Variants in POLR1A observed in about 807,000 individuals in gnomAD.
POLR1A encodes DNA-directed RNA polymerase I subunit RPA1.
POLR1A carries 84 observed loss-of-function variants against 205.3 expected under a neutral mutation model. The observed-to-expected ratio is 0.41, with a 90% CI of 0.34 to 0.49. POLR1A has a LOEUF of 0.49. Among genes scored for constraint, POLR1A ranks in the 20% least tolerant of loss-of-function variants. The pLI, the probability that POLR1A is intolerant of heterozygous loss-of-function variation, is 0.22. For missense variants in POLR1A, 1,645 were observed against 2,204.5 expected, an observed-to-expected ratio of 0.75 and a Z score of 5.08; for synonymous variants, 799 against 863.7, an observed-to-expected ratio of 0.93 and a Z score of 1.31.
chr2:86,069,221 C>A (rs970933317), intron 13 of POLR1A, among the ~76,000 whole-genome samples: 1 of 152,244 alleles, frequency 6.6e-6, no homozygotes, highest in African/African-American at 2.4e-5. Context: ...TACTCCACCA[C>A]AATCCAAATG....
chr2:86,094,035 T>C (rs764057059), intron 3 of POLR1A, among the ~76,000 whole-genome samples: 2 of 152,192 alleles, frequency 1.3e-5, no homozygotes, highest in Non-Finnish European at 2.9e-5. Flanking sequence ...AACACATCTT[T>C]GGCAGGAATA....
chr2:86,039,205 C>A, intron 26 of POLR1A, 122 bp downstream of exon 26: 1 of 1,092,354 alleles, frequency 9.2e-7, no homozygotes, highest in Non-Finnish European at 1.3e-6. Flanking sequence ...GACAGCTTAT[C>A]TCTCATTGGT....
chr2:86,084,092 C>T (rs775966503), intron 6 of POLR1A, among the ~76,000 whole-genome samples: 1 of 152,160 alleles, frequency 6.6e-6, no homozygotes, highest in African/African-American at 2.4e-5. Context: ...ACAGGGAAAC[C>T]GTGTCCCTAT....
chr2:86,032,254 C>G lies in POLR1A; in HGVS notation c.4272+18G>C, dbSNP rs766479062. 1.3e-6 allele frequency: 2 copies of G among 1,533,722 alleles called. No homozygotes were observed. Among genetic ancestry groups the G allele is most frequent in the Non-Finnish European group, 1.8e-6 (2 of 1,106,600 alleles). On this transcript the variant is annotated intron_variant, in intron 29 of 33. Coordinates refer to ENST00000263857, the MANE Select transcript of POLR1A (RefSeq NM_015425.6). ...GGGCTGGGACCACAGCTCCTTCACCCCACACAGGGTCTCTCACCTCCTCCT... is the reference window on the plus strand; with the variant it reads ...GGGCTGGGACCACAGCTCCTTCACCGCACACAGGGTCTCTCACCTCCTCCT...
intron 14 of POLR1A, among the ~76,000 whole-genome samples, chr2:86,061,633 T>C (rs545491887): frequency 4.6e-5 from 7 of 152,320 alleles, no homozygotes; most frequent in South Asian, 2.1e-4. Flanking sequence ...AACTCAAATG[T>C]GTATCAATAG....
At chr2:86,027,800 A>C in intron 33 of POLR1A, 85 bp downstream of exon 33, 1 of 1,469,064 alleles carries the variant, frequency 6.8e-7, no homozygotes, top group Non-Finnish European at 9.5e-7. Flanking sequence ...GTGTGCAAGG[A>C]ACCATGGAAA....
chr2:86,058,236 G>A (rs541885979), intron 14 of POLR1A, among the ~76,000 whole-genome samples: 18 of 152,262 alleles, frequency 1.2e-4, no homozygotes, highest in African/African-American at 4.3e-4. Context: ...GAGTAGCTGG[G>A]ATTACAGGCA....
intron 24 of POLR1A, 38 bp downstream of exon 24, chr2:86,041,851 T>G: frequency 6.4e-6 from 10 of 1,555,506 alleles, no homozygotes; most frequent in Non-Finnish European, 8.9e-6. Flanking sequence ...GGAGGCAGAT[T>G]CTCCTGCACA....
At position 86,028,182 on chromosome 2, in the gene POLR1A, C is replaced by T; in HGVS notation, c.4898-133G>A. Reference sequence around the variant, plus strand: ...CTCTGGGGCTCCCCTTCAGCTCCGCCACCTGCTCACGCTACTTAACCCTTC... The same window carrying T: ...CTCTGGGGCTCCCCTTCAGCTCCGCTACCTGCTCACGCTACTTAACCCTTC... On this transcript the variant is annotated intron_variant, in intron 32 of 33. Coordinates refer to ENST00000263857, the MANE Select transcript of POLR1A (RefSeq NM_015425.6). This position sits in a 1 kb window ranked among gnomAD's most constrained non-coding sequence, Gnocchi z 4.5. The T allele has an allele frequency of 1.2e-6, 1 of 805,598 alleles. No individual in the cohort carries two copies. Among genetic ancestry groups the T allele is most frequent in the Non-Finnish European group, 2.1e-6 (1 of 475,934 alleles). The allele number at this position is 805,598 out of a possible 1,614,324, so 49.9% of individuals were successfully genotyped here.
At chr2:86,039,289 C>T in intron 26 of POLR1A, 38 bp downstream of exon 26, 7 of 1,610,394 alleles carry the variant, frequency 4.3e-6, no homozygotes, top group East Asian at 2.2e-5. Flanking sequence ...AGGAACATGC[C>T]TTCACCCCGT....
At chr2:86,074,556 A>G (rs1055484750) in intron 12 of POLR1A, among the ~76,000 whole-genome samples, 5 of 152,202 alleles carry the variant, frequency 3.3e-5, no homozygotes, top group Admixed American at 2.6e-4. Flanking sequence ...GAGCCTCAGG[A>G]TTCCCTACCA....
intron 33 of POLR1A, 29 bp from the exon 34 acceptor site, chr2:86,027,552 G>C: frequency 6.3e-7 from 1 of 1,575,880 alleles, no homozygotes; most frequent in South Asian, 1.1e-5. Flanking sequence ...CATGTGTCAG[G>C]GTGTTGAGGT....
At chr2:86,089,703 G>C (rs1328059477) in intron 4 of POLR1A, 119 bp downstream of exon 4, 1 of 678,446 alleles carries the variant, frequency 1.5e-6, no homozygotes, top group Non-Finnish European at 2.7e-6. Flanking sequence ...AAGAGACAGA[G>C]CTCAGATGCA....
intron 14 of POLR1A, among the ~76,000 whole-genome samples, chr2:86,058,602 T>C (rs1425516781): frequency 6.6e-6 from 1 of 150,946 alleles, no homozygotes; most frequent in East Asian, 1.9e-4. Flanking sequence ...ACTAACATTC[T>C]AGAAATGTAT....
intron 9 of POLR1A, among the ~76,000 whole-genome samples, chr2:86,079,868 C>A (rs1322526928): frequency 1.3e-5 from 2 of 152,096 alleles, no homozygotes; most frequent in East Asian, 3.9e-4. Context: ...GGCCAGGCTG[C>A]CCGATTTTTA....
Position 86,028,565 on chromosome 2 carries a change from T to C in POLR1A, c.4897+29A>G, listed in dbSNP as rs766347826. On this transcript the variant is annotated intron_variant, in intron 32 of 33. Transcript: ENST00000263857. The surrounding 1 kb of genome is among the most constrained non-coding windows in gnomAD (Gnocchi z 4.5). Reference sequence around the variant, plus strand: ...TGGTGTCCTGGCTGGTGCCCAGACCTCGGGGTGTTATCTGCAAGCTCCCCT... The same window carrying C: ...TGGTGTCCTGGCTGGTGCCCAGACCCCGGGGTGTTATCTGCAAGCTCCCCT... The C allele has an allele frequency of 6.5e-6, 10 of 1,536,526 alleles. No individual in the cohort carries two copies. The Admixed American group carries it at 1.7e-4, about 26-fold the overall frequency.
At chr2:86,064,456 C>T (rs186302865) in intron 14 of POLR1A, among the ~76,000 whole-genome samples, 2 of 152,238 alleles carry the variant, frequency 1.3e-5, no homozygotes, top group Admixed American at 1.3e-4. Context: ...AATTTGGTTA[C>T]TTTGAGAGGA....
chr2:86,043,177 G>A lies in POLR1A; in HGVS notation c.3154C>T (p.His1052Tyr), dbSNP rs149148740. 6.2e-7 allele frequency: 1 copy of A among 1,612,646 alleles called. No homozygotes were observed. The highest frequency in any genetic ancestry group is 2.2e-5 in the East Asian group (1 of 44,878). Residue 1052 changes from histidine to tyrosine, a missense_variant, in exon 23 of 34, where the codon CAT (histidine) becomes TAT (tyrosine). By Grantham distance (83) the His-to-Tyr change is moderately conservative (BLOSUM62 2). Transcript: ENST00000263857. ...SNYEVIMKSQ[H>Y]LHEVLSRADP... Reference sequence around the variant, plus strand: ...GCTCTGGATAAAACTTCATGGAGATGCTGTGATTTCATTATCACCTAAACA... The same window carrying A: ...GCTCTGGATAAAACTTCATGGAGATACTGTGATTTCATTATCACCTAAACA...
intron 6 of POLR1A, among the ~76,000 whole-genome samples, chr2:86,087,757 G>T (rs201401510): frequency 1.3e-4 from 2 of 15,386 alleles, no homozygotes; most frequent in African/African-American, 1.7e-4. Context: ...TGGCCAGGCC[G>T]GTCTTGAACT....
Sources: gnomAD v4.1 joint callset for allele counts (sites outside exome capture counted in the v4.1 genomes callset) on GRCh38, gnomAD v4.1.1 for gene constraint, Gnocchi (gnomAD v3.1) non-coding constraint, MANE v1.5 for transcripts, NCBI Gene and HGNC (gene_info 2026-07-23, HGNC 2026-07-21) for gene names.